Variants in PSD2 observed in about 807,000 individuals in gnomAD.
PSD2 encodes the protein pleckstrin and Sec7 domain containing 2.
A neutral mutation model predicts 69.8 loss-of-function variants in PSD2; 38 were observed. The ratio of observed to expected loss-of-function variants is 0.54; its 90% CI spans 0.42 to 0.71. The LOEUF is 0.71. Ranked by LOEUF, PSD2 falls within the 30% of genes least tolerant of loss-of-function variation. The pLI is 0.00. For missense variants in PSD2, 943 were observed against 1,014.5 expected, an observed-to-expected ratio of 0.93 and a Z score of 0.96; for synonymous variants, 412 against 423.0, an observed-to-expected ratio of 0.97 and a Z score of 0.32.
chr5:139,793,372 C>T (rs114976968), upstream of PSD2, among the ~76,000 whole-genome samples: 1,396 of 152,308 alleles, frequency 9.2e-3, 20 homozygotes, highest in African/African-American at 0.031. Context: ...GCCCTCTGAG[C>T]CCTAGGGAGC....
chr5:139,748,930 T>G, the PSD2 span, among the ~76,000 whole-genome samples: 11 of 148,568 alleles, frequency 7.4e-5, no homozygotes, highest in African/African-American at 1.8e-4. Context: ...TACATAGGGG[T>G]GGGTGTCAGT....
upstream of PSD2, among the ~76,000 whole-genome samples, chr5:139,792,361 T>C (rs1759428806): frequency 6.6e-6 from 1 of 151,858 alleles, no homozygotes; most frequent in Non-Finnish European, 1.5e-5. Flanking sequence ...CCCAAATGAG[T>C]CCTCCCAATT....
intron 7 of PSD2, among the ~76,000 whole-genome samples, chr5:139,823,122 G>A (rs925167103): frequency 3.9e-5 from 6 of 152,230 alleles, no homozygotes; most frequent in South Asian, 2.1e-4. Context: ...TACCGTGCTC[G>A]GGGCAGCCCC....
At chr5:139,825,564 G>A (rs1203893450) in intron 7 of PSD2, among the ~76,000 whole-genome samples, 8 of 152,094 alleles carry the variant, frequency 5.3e-5, no homozygotes, top group Non-Finnish European at 8.8e-5. Context: ...GACCTTTCAG[G>A]ACTGAGTCTA....
chr5:139,750,574 C>T, the PSD2 span, among the ~76,000 whole-genome samples: 1 of 152,208 alleles, frequency 6.6e-6, no homozygotes, highest in Non-Finnish European at 1.5e-5. Flanking sequence ...GATGTGGGGC[C>T]TGCAGAAAAG....
At chr5:139,794,808 G>T (rs569005474), upstream of PSD2, among the ~76,000 whole-genome samples, 8 of 152,318 alleles carry the variant, frequency 5.3e-5, no homozygotes, top group Non-Finnish European at 1.0e-4. Flanking sequence ...ATCCCTGTGG[G>T]TGGGGGCCCT....
chr5:139,830,298 AT>A (rs529053095), intron 7 of PSD2, among the ~76,000 whole-genome samples: 1 of 140,600 alleles, frequency 7.1e-6, no homozygotes, highest in African/African-American at 2.6e-5. Flanking sequence ...TGATTTACAA[AT>A]TTTTTTTCTC....
the PSD2 span, among the ~76,000 whole-genome samples, chr5:139,771,540 G>A: frequency 1.2e-4 from 19 of 152,092 alleles, no homozygotes; most frequent in Admixed American, 9.2e-4. Context: ...CACCACGCCC[G>A]GCTAATTTTT....
chr5:139,749,892 A>T, the PSD2 span, among the ~76,000 whole-genome samples: 1 of 152,150 alleles, frequency 6.6e-6, no homozygotes, highest in African/African-American at 2.4e-5. Flanking sequence ...ATTAGCTGGT[A>T]TGGTGGTGTG....
chr5:139,841,892 A>T (rs967112416), intron 14 of PSD2, among the ~76,000 whole-genome samples: 2 of 152,232 alleles, frequency 1.3e-5, no homozygotes, highest in African/African-American at 4.8e-5. Context: ...TATTCTGGAT[A>T]CAAGACCCTT....
At chr5:139,836,667 A>T (rs1402463264) in intron 9 of PSD2, 144 bp from the exon 10 acceptor site, 1 of 668,444 alleles carries the variant, frequency 1.5e-6, no homozygotes, top group Non-Finnish European at 2.6e-6. Flanking sequence ...GTGGTCTGGA[A>T]TTGGAATCTC....
the PSD2 span, among the ~76,000 whole-genome samples, chr5:139,751,241 C>T: frequency 1.3e-5 from 2 of 152,192 alleles, no homozygotes; most frequent in African/African-American, 4.8e-5. Flanking sequence ...GACAGCACCT[C>T]CTGCCTGAGA....
At chr5:139,761,467 C>A in the PSD2 span, among the ~76,000 whole-genome samples, 2 of 152,180 alleles carry the variant, frequency 1.3e-5, no homozygotes, top group African/African-American at 4.8e-5. Flanking sequence ...AGGGGCTTCG[C>A]ACAGTTGTGA....
the PSD2 span, among the ~76,000 whole-genome samples, chr5:139,743,121 T>C: frequency 6.6e-6 from 1 of 152,160 alleles, no homozygotes; most frequent in Non-Finnish European, 1.5e-5. Context: ...TTCCTCCTCC[T>C]GGGCCTAGGA....
the PSD2 span, among the ~76,000 whole-genome samples, chr5:139,766,828 C>CTTCCTTCT: frequency 5.7e-5 from 5 of 87,736 alleles, no homozygotes; most frequent in African/African-American, 1.1e-4. Flanking sequence ...AAGTCCCTTC[C>CTTCCTTCT]TTCTTTCTTT....
chr5:139,841,584 A>G (rs1428933952), intron 14 of PSD2, among the ~76,000 whole-genome samples: 1 of 152,212 alleles, frequency 6.6e-6, no homozygotes, highest in Non-Finnish European at 1.5e-5. Context: ...TTTTCGATAA[A>G]CCACCAGCTT....
intron 7 of PSD2, among the ~76,000 whole-genome samples, chr5:139,830,355 TTTTTTTTTTCC>T (rs1300523285): frequency 1.3e-5 from 2 of 149,756 alleles, no homozygotes. Context: ...CTTTTTTTTT[TTTTTTTTTTCC>T]TTTTGAGACA....
chr5:139,768,736 AAAC>A, the PSD2 span, among the ~76,000 whole-genome samples: 2 of 151,758 alleles, frequency 1.3e-5, no homozygotes, highest in African/African-American at 2.4e-5. Flanking sequence ...AAAAAAAAAA[AAAC>A]AACACCTCCC....
the PSD2 span, among the ~76,000 whole-genome samples, chr5:139,779,133 A>T: frequency 2.6e-5 from 4 of 151,714 alleles, no homozygotes; most frequent in African/African-American, 7.3e-5. Context: ...TTATTTATTA[A>T]TTTTTTTTAT....
Sources: allele counts gnomAD v4.1 joint callset (sites outside exome capture counted in the v4.1 genomes callset), GRCh38; gene constraint gnomAD v4.1.1; transcripts MANE v1.5; gene names NCBI Gene and HGNC (gene_info 2026-07-23, HGNC 2026-07-21).